Variants in CTNNA3 observed in about 807,000 individuals in gnomAD.
CTNNA3 encodes catenin alpha-3.
Under a neutral mutation model 95.7 loss-of-function variants are expected in CTNNA3, and 76 were observed. The observed-to-expected ratio is 0.79, with a 90% CI of 0.66 to 0.96. The LOEUF is 0.96. CTNNA3 is among the 40% of genes least tolerant of loss of function. CTNNA3 has a pLI of 0.00. For synonymous variants in CTNNA3, 431 were observed against 374.4 expected, an observed-to-expected ratio of 1.15 and a Z score of -1.74; for missense variants, 1,191 against 1,089.8, an observed-to-expected ratio of 1.09 and a Z score of -1.31.
chr10:66,272,115 TAA>T (rs769903266), intron 13 of CTNNA3, among the ~76,000 whole-genome samples: 6 of 152,200 alleles, frequency 3.9e-5, no homozygotes, highest in Non-Finnish European at 7.4e-5. Context: ...AGGTTTGATT[TAA>T]ATTTGCATAT....
At chr10:66,469,356 A>G (rs1025550696) in intron 11 of CTNNA3, among the ~76,000 whole-genome samples, 3 of 151,928 alleles carry the variant, frequency 2.0e-5, no homozygotes, top group East Asian at 3.9e-4. Flanking sequence ...GACAAAGGGT[A>G]GAGAATAAGC....
At chr10:66,498,547 C>A (rs999740213) in intron 11 of CTNNA3, among the ~76,000 whole-genome samples, 11 of 152,104 alleles carry the variant, frequency 7.2e-5, no homozygotes, top group Admixed American at 6.6e-4. Flanking sequence ...CATTTCGTAT[C>A]ACTTGTTAGT....
chr10:67,011,234 G>A (rs141701205), intron 7 of CTNNA3, among the ~76,000 whole-genome samples: 2,768 of 151,894 alleles, frequency 0.018, 85 homozygotes, highest in African/African-American at 0.062. Flanking sequence ...CCAGCTACTC[G>A]GGAGGCTGAG....
chr10:67,527,265 GATAAA>G (rs1001272473), intron 4 of CTNNA3, among the ~76,000 whole-genome samples: 196 of 152,038 alleles, frequency 1.3e-3, no homozygotes, highest in African/African-American at 4.3e-3. Context: ...TCAAAGATAA[GATAAA>G]ATAAAATAAA....
At chr10:66,697,963 T>C (rs1385133081) in intron 9 of CTNNA3, among the ~76,000 whole-genome samples, 1 of 152,140 alleles carries the variant, frequency 6.6e-6, no homozygotes, top group Non-Finnish European at 1.5e-5. Context: ...CATAACTCAT[T>C]GTTGGGTTTC....
intron 3 of CTNNA3, among the ~76,000 whole-genome samples, chr10:67,595,728 G>T (rs1367580181): frequency 1.3e-5 from 2 of 152,154 alleles, no homozygotes; most frequent in East Asian, 3.8e-4. Flanking sequence ...TGTCAGTAGG[G>T]TGTTGAAGTC....
rs539185142 is a variant in CTNNA3 at position 66,524,295 on chromosome 10, T to C, written c.1375-3522A>G. The stretch of plus-strand genomic sequence containing the variant: ...ATGAGCTCCATTATAGGAGGGACTA[T>C]GTATTATTCATCTTTGCTTCTTGGT... On this transcript the variant is annotated intron_variant, in intron 10 of 17. Coordinates refer to ENST00000433211, the MANE Select transcript of CTNNA3 (RefSeq NM_013266.4). 4.2e-4 allele frequency among the ~76,000 whole-genome samples: 42 copies of C among 100,496 alleles called. No individual in the cohort carries two copies. The Admixed American group carries it at 4.2e-3, about 10-fold the overall frequency. The allele number at this position is 100,496 out of a possible 152,430, so 65.9% of individuals were successfully genotyped here.
At chr10:65,964,760 CAT>C (rs1226678249) in intron 17 of CTNNA3, among the ~76,000 whole-genome samples, 1 of 152,048 alleles carries the variant, frequency 6.6e-6, no homozygotes, top group African/African-American at 2.4e-5. Flanking sequence ...TCCAAATAAA[CAT>C]ACTTTTTTAC....
intron 13 of CTNNA3, among the ~76,000 whole-genome samples, chr10:66,187,694 T>A (rs1238890416): frequency 6.6e-6 from 1 of 151,926 alleles, no homozygotes; most frequent in Non-Finnish European, 1.5e-5. Flanking sequence ...AAGTTTAGTG[T>A]CCACCCATAA....
intron 7 of CTNNA3, among the ~76,000 whole-genome samples, chr10:67,112,293 G>T (rs1178055752): frequency 6.6e-6 from 1 of 151,916 alleles, no homozygotes; most frequent in Non-Finnish European, 1.5e-5. Flanking sequence ...TTGGCTTGGG[G>T]TGTAATTAAA....
intron 7 of CTNNA3, among the ~76,000 whole-genome samples, chr10:67,127,056 T>C (rs1278443074): frequency 6.6e-6 from 1 of 152,228 alleles, no homozygotes; most frequent in East Asian, 1.9e-4. Flanking sequence ...GAGTAAACAC[T>C]AAACACTCAT....
chr10:65,949,381 A>G (rs1403360029), intron 17 of CTNNA3, among the ~76,000 whole-genome samples: 2 of 152,218 alleles, frequency 1.3e-5, no homozygotes, highest in Non-Finnish European at 2.9e-5. Flanking sequence ...GATAGAGAAT[A>G]TATATAAATG....
chr10:66,244,237 A>G (rs1186781598), intron 13 of CTNNA3, among the ~76,000 whole-genome samples: 3 of 152,224 alleles, frequency 2.0e-5, no homozygotes, highest in Admixed American at 6.5e-5. Flanking sequence ...CCACAGTAGA[A>G]TAGAACATCA....
intron 1 of CTNNA3, among the ~76,000 whole-genome samples, chr10:67,695,582 T>G (rs770960309): frequency 6.6e-6 from 1 of 152,206 alleles, no homozygotes; most frequent in Non-Finnish European, 1.5e-5. Context: ...CATCTTCCAT[T>G]TACTATGAAT....
At chr10:67,092,392 C>G (rs1047533638) in intron 7 of CTNNA3, among the ~76,000 whole-genome samples, 1 of 151,788 alleles carries the variant, frequency 6.6e-6, no homozygotes, top group East Asian at 1.9e-4. Flanking sequence ...GAAAACATGG[C>G]CTTTTTGTTA....
chr10:66,037,124 G>A (rs1029514660), intron 15 of CTNNA3, among the ~76,000 whole-genome samples: 7 of 151,730 alleles, frequency 4.6e-5, no homozygotes, highest in African/African-American at 1.5e-4. Flanking sequence ...CGCCCATCTC[G>A]GCCTCCCAAA....
rs577560287 is a variant in CTNNA3, at chr10:66,200,033, G to A, written c.1884+80437C>T. The stretch of plus-strand genomic sequence containing the variant: ...TCAGATAAATGGCATATTATTGATT[G>A]ATTTTAAACACCTTTCTACAAATTT... On this transcript the variant is annotated intron_variant, in intron 13 of 17. Transcript: ENST00000433211. Among the ~76,000 whole-genome samples the A allele has an allele frequency of 9.8e-4, 147 of 150,726 alleles. 1 individual carries two copies. Among genetic ancestry groups the A allele is most frequent in the Middle Eastern group, 6.8e-3 (2 of 292 alleles).
chr10:67,399,714 T>A (rs1404247577), intron 5 of CTNNA3, among the ~76,000 whole-genome samples: 1 of 152,178 alleles, frequency 6.6e-6, no homozygotes, highest in African/African-American at 2.4e-5. Context: ...TTTTCCTCCA[T>A]TAAGGTACTT....
chr10:66,319,043 A>C (rs1358109238), intron 12 of CTNNA3, among the ~76,000 whole-genome samples: 2 of 152,110 alleles, frequency 1.3e-5, no homozygotes, highest in African/African-American at 4.8e-5. Flanking sequence ...GAGTTATTAA[A>C]TGAGTCAATT....
Sources: allele counts gnomAD v4.1 joint callset (sites outside exome capture counted in the v4.1 genomes callset), GRCh38; gene constraint gnomAD v4.1.1; transcripts MANE v1.5; gene names NCBI Gene and HGNC (gene_info 2026-07-23, HGNC 2026-07-21).